ZFP90: variants seen among roughly 807,000 people sequenced by gnomAD.
ZFP90 encodes the protein zinc finger protein 90 homolog.
ZFP90 carries 38 observed loss-of-function variants against 60.8 expected under a neutral mutation model. The observed-to-expected ratio is 0.62, with a 90% CI of 0.48 to 0.82. The LOEUF (loss-of-function observed/expected upper bound fraction) is 0.82, where lower values mean the gene tolerates loss of function less well. Ranked by LOEUF, ZFP90 falls within the 40% of genes least tolerant of loss-of-function variation. The pLI, the probability that ZFP90 is intolerant of heterozygous loss-of-function variation, is 0.00. For missense variants in ZFP90, 711 were observed against 759.1 expected, an observed-to-expected ratio of 0.94 and a Z score of 0.74; for synonymous variants, 287 against 264.8, an observed-to-expected ratio of 1.08 and a Z score of -0.82.
At chr16:68,568,686 A>G (rs972900121), downstream of ZFP90, among the ~76,000 whole-genome samples, 2 of 152,146 alleles carry the variant, frequency 1.3e-5, no homozygotes, top group African/African-American at 4.8e-5. Flanking sequence ...AAGTCATGGC[A>G]TATTCTTTTT....
At chr16:68,550,669 G>A (rs1350715619) in intron 2 of ZFP90, among the ~76,000 whole-genome samples, 1 of 152,158 alleles carries the variant, frequency 6.6e-6, no homozygotes, top group Admixed American at 6.6e-5. Context: ...GTTTGTAATT[G>A]GGTGAACATC....
In ZFP90 at chr16:68,558,320, G is replaced by GA; in HGVS notation, c.161-150dup. The GA allele has an allele frequency of 3.6e-6, 4 of 1,121,560 alleles. No individual in the cohort carries two copies. The Admixed American group carries it at 7.8e-5, about 22-fold the overall frequency. 69.5% of individuals were successfully genotyped at this position (1,121,560 alleles called of 1,614,324 possible). ...AAAAGGTCTTTATTTTGCAAAACTG[G>GA]AAATAGGCAATTTGATTGCATGACT... On this transcript the variant is annotated intron_variant, in intron 3 of 4. Transcript: ENST00000563169.
Position 68,564,750 on chromosome 16 carries a change from T to A in ZFP90, c.*52T>A. On this transcript the variant is annotated 3_prime_UTR_variant, in exon 5 of 5. Transcript: ENST00000563169. Reference sequence around the variant, plus strand: ...AATGCTTTAGCTAAAATGTTCTGATTCAGGATCAGAGGATTCTTAGAGAGC... The same window carrying A: ...AATGCTTTAGCTAAAATGTTCTGATACAGGATCAGAGGATTCTTAGAGAGC... 6.5e-7 allele frequency: 1 copy of A among 1,539,404 alleles called. No individual in the cohort carries two copies. Among genetic ancestry groups the A allele is most frequent in the Non-Finnish European group, 8.7e-7 (1 of 1,148,854 alleles).
At chr16:68,539,686 AGGTGGGGCGGG>A in intron 1 of ZFP90, 61 bp from the exon 2 acceptor site, 3 of 831,286 alleles carry the variant, frequency 3.6e-6, no homozygotes. Context: ...TTAGGGGCGG[AGGTGGGGCGGG>A]GCGGGGCGGG....
intron 2 of ZFP90, among the ~76,000 whole-genome samples, chr16:68,540,699 C>T (rs2091027242): frequency 6.7e-6 from 1 of 149,398 alleles, no homozygotes; most frequent in Admixed American, 6.8e-5. Flanking sequence ...TTGCCAGGTA[C>T]AGTGGGTCAC....
rs766690380 is a variant in ZFP90 at position 68,558,462 on chromosome 16, C to T, written c.161-11C>T. On this transcript the variant is annotated splice_polypyrimidine_tract_variant and intron_variant, in intron 3 of 4. Transcript: ENST00000563169. Reference sequence around the variant, plus strand: ...CAAACAACCAAATCTTGTGTATTTACCCATGAGCAGGATATCAAGTTTCCA... The same window carrying T: ...CAAACAACCAAATCTTGTGTATTTATCCATGAGCAGGATATCAAGTTTCCA... 2.5e-6 allele frequency: 4 copies of T among 1,612,560 alleles called. No individual in the cohort carries two copies. Among genetic ancestry groups the T allele is most frequent in the African/African-American group, 1.3e-5 (1 of 74,932 alleles).
rs1164209404 is a variant in ZFP90, at chr16:68,564,491, CATTCAGCATGAGAGAACTCAT to C, written c.1706_1726del (p.Ile569_His575del). The C allele has an allele frequency of 1.9e-6, 3 of 1,613,790 alleles. No individual in the cohort carries two copies. The stretch of plus-strand genomic sequence containing the variant: ...AAGCCTTTAGTCAAAGTTCATCTCT[CATTCAGCATGAGAGAACTCAT>C]ACTGGAGAGAAGCCCTATGAATGTA... On this transcript the variant is annotated inframe_deletion, in exon 5 of 5. Coordinates refer to ENST00000563169, the MANE Select transcript of ZFP90 (RefSeq NM_001305203.2).
At chr16:68,558,240 C>A in intron 3 of ZFP90, 116 bp downstream of exon 3, 1 of 1,465,758 alleles carries the variant, frequency 6.8e-7, no homozygotes, top group South Asian at 1.2e-5. Context: ...GGGGTCAGAG[C>A]TTGTTAATCT....
chr16:68,572,906 T>TA (rs1158578610), intron 2 of ZFP90, among the ~76,000 whole-genome samples: 6 of 152,216 alleles, frequency 3.9e-5, no homozygotes, highest in African/African-American at 1.4e-4. Flanking sequence ...GATTAGTCCC[T>TA]AGCAGCAGAG....
intron 2 of ZFP90, among the ~76,000 whole-genome samples, chr16:68,552,582 C>T (rs1333923364): frequency 6.6e-6 from 1 of 152,024 alleles, no homozygotes; most frequent in Non-Finnish European, 1.5e-5. Flanking sequence ...TAACGCTTGC[C>T]GAGGTGAAAG....
Position 68,563,712 on chromosome 16 carries a change from C to T in ZFP90, c.925C>T (p.Pro309Ser), listed in dbSNP as rs2091472102. Residue 309 changes from proline (P) to serine (S), a missense_variant, in exon 5 of 5, where the codon CCC (proline) becomes TCC (serine). Around this residue, in one of 5 missense-constraint regions of ZFP90, gnomAD observed 146 missense variants for 201.4 expected, o/e 0.73. Coordinates refer to ENST00000563169, the MANE Select transcript of ZFP90 (RefSeq NM_001305203.2). ...QHENAHTGEK[P>S]YQCSLCGKAF... ...TGAGAATGCTCATACCGGAGAGAAACCCTATCAGTGTAGTCTCTGTGGGAA... is the reference window on the plus strand; with the variant it reads ...TGAGAATGCTCATACCGGAGAGAAATCCTATCAGTGTAGTCTCTGTGGGAA... The T allele has an allele frequency of 6.2e-7, 1 of 1,614,140 alleles. No individual in the cohort carries two copies. Among genetic ancestry groups the T allele is most frequent in the Non-Finnish European group, 8.5e-7 (1 of 1,179,998 alleles).
intron 2 of ZFP90, among the ~76,000 whole-genome samples, chr16:68,542,473 C>G (rs2091069205): frequency 6.6e-6 from 1 of 152,062 alleles, no homozygotes; most frequent in African/African-American, 2.4e-5. Flanking sequence ...CGCCTGTAGT[C>G]CCAGCTACTA....
In ZFP90 at chr16:68,551,415, C is replaced by CTTTTTT. The variant is rs10538200; in HGVS notation, c.34-6565_34-6560dup. On this transcript the variant is annotated intron_variant, in intron 2 of 4. Coordinates refer to ENST00000563169, the MANE Select transcript of ZFP90 (RefSeq NM_001305203.2). ...GCATAAGGAAAGGGAACATGTGATC[C>CTTTTTT]TTTTTTTTTTTTTTTTTTTTTTTGG... 1.6e-5 allele frequency among the ~76,000 whole-genome samples: 2 copies of CTTTTTT among 123,024 alleles called. 1 individual carries two copies. 80.7% of individuals were successfully genotyped at this position (123,024 alleles called of 152,430 possible). A position where few individuals can be genotyped will look rare whatever the true frequency, so the allele number is the denominator to read the frequency against.
rs967602791 is a variant in ZFP90 at position 68,558,606 on chromosome 16, G to A, written c.256+38G>A. On this transcript the variant is annotated intron_variant, in intron 4 of 4. Coordinates refer to ENST00000563169, the MANE Select transcript of ZFP90 (RefSeq NM_001305203.2). ...GAGTCAGGCATTAGGAATGAATGCAGTTAATGGCACAACTTAGGGAGGGGG... is the reference window on the plus strand; with the variant it reads ...GAGTCAGGCATTAGGAATGAATGCAATTAATGGCACAACTTAGGGAGGGGG... The A allele has an allele frequency of 2.6e-6, 4 of 1,567,148 alleles. No homozygotes were observed. The Admixed American group carries it at 5.0e-5, about 20-fold the overall frequency.
At chr16:68,551,315 C>T (rs2091256764) in intron 2 of ZFP90, among the ~76,000 whole-genome samples, 1 of 151,504 alleles carries the variant, frequency 6.6e-6, no homozygotes, top group African/African-American at 2.4e-5. Flanking sequence ...GAAATTGAGT[C>T]TTCTCAACTT....
chr16:68,543,839 G>A (rs1054430486), intron 2 of ZFP90, among the ~76,000 whole-genome samples: 26 of 149,350 alleles, frequency 1.7e-4, no homozygotes, highest in Non-Finnish European at 2.5e-4. Flanking sequence ...GATTATAGGC[G>A]TGAGCCACTG....
chr16:68,539,845 C>G lies in ZFP90; in HGVS notation c.33+20C>G. The G allele has an allele frequency of 6.2e-7, 1 of 1,605,566 alleles. No homozygotes were observed. Among genetic ancestry groups the G allele is most frequent in the Non-Finnish European group, 8.5e-7 (1 of 1,177,668 alleles). ...CCCCAGGTGAGCAACGCGTTCCTAA[C>G]CTCCTGGGCATCCCATCCATCTATC... On this transcript the variant is annotated intron_variant, in intron 2 of 4. Transcript: ENST00000563169.
downstream of ZFP90, among the ~76,000 whole-genome samples, chr16:68,570,125 G>C (rs1182691297): frequency 6.6e-6 from 1 of 151,958 alleles, no homozygotes; most frequent in Non-Finnish European, 1.5e-5. Flanking sequence ...TCAATAGTAA[G>C]ATTCCTCAGT....
chr16:68,533,673 C>T (rs897437736), intron 1 of ZFP90: 2 of 151,896 alleles, frequency 1.3e-5, no homozygotes, highest in South Asian at 2.1e-4. Context: ...TCTAATTCTC[C>T]TTTTTTGTTG....
Sources: allele counts gnomAD v4.1 joint callset (sites outside exome capture counted in the v4.1 genomes callset), GRCh38; gene constraint gnomAD v4.1.1; regional missense constraint gnomAD v4.1.1; transcripts MANE v1.5; gene names NCBI Gene and HGNC (gene_info 2026-07-23, HGNC 2026-07-21).